RAF1: variants seen among roughly 807,000 people sequenced by gnomAD.
The protein encoded by RAF1 is RAF proto-oncogene serine/threonine-protein kinase.
Under a neutral mutation model 81.1 loss-of-function variants are expected in RAF1, and 27 were observed. That is an observed-to-expected ratio of 0.33 (90% CI 0.25 to 0.46). The LOEUF (loss-of-function observed/expected upper bound fraction) is 0.46, where lower values mean the gene tolerates loss of function less well. Among genes scored for constraint, RAF1 ranks in the 20% least tolerant of loss-of-function variants. RAF1 has a pLI of 1.00. For missense variants in RAF1, 598 were observed against 826.0 expected (o/e 0.72, Z 3.38); for synonymous variants, 298 against 294.0 (o/e 1.01, Z -0.14).
In RAF1 at chr3:12,600,395, G is replaced by C. The variant is rs763657486; in HGVS notation, c.915C>G (p.Ser305Arg). The change falls in exon 9 of 18, where the codon AGC (serine) becomes AGG (arginine). Residue 305 changes from serine to arginine, a missense_variant. Ser to Arg is a moderately radical substitution (Grantham distance 110). Coordinates refer to ENST00000442415, the MANE Select transcript of RAF1 (RefSeq NM_001354689.3). The stretch of plus-strand genomic sequence containing the variant: ...ATGACTATGGAAAAGTACCTGATTC[G>C]CTGTGACTTCGAATTGCATCCTGAA... The C allele has an allele frequency of 3.1e-6, 5 of 1,614,136 alleles. No homozygotes were observed. The highest frequency in any genetic ancestry group is 4.2e-6 in the Non-Finnish European group (5 of 1,180,010).
chr3:12,620,293 C>T (rs1009486421), intron 1 of RAF1, among the ~76,000 whole-genome samples: 23 of 152,180 alleles, frequency 1.5e-4, no homozygotes, highest in Non-Finnish European at 1.9e-4. Context: ...CACCACCACG[C>T]CCGACTGATT....
chr3:12,661,470 G>A (rs2060875850), intron 1 of RAF1, among the ~76,000 whole-genome samples: 1 of 152,060 alleles, frequency 6.6e-6, no homozygotes, highest in South Asian at 2.1e-4. Flanking sequence ...GCCGTGGGAG[G>A]CCGAGGTGGG....
At chr3:12,638,607 A>G (rs1005166963) in intron 1 of RAF1, among the ~76,000 whole-genome samples, 1 of 152,274 alleles carries the variant, frequency 6.6e-6, no homozygotes, top group African/African-American at 2.4e-5. Flanking sequence ...TATTACAAAT[A>G]AAACCAAATA....
At chr3:12,643,152 A>C (rs2060244592) in intron 1 of RAF1, among the ~76,000 whole-genome samples, 1 of 152,168 alleles carries the variant, frequency 6.6e-6, no homozygotes, top group African/African-American at 2.4e-5. Context: ...GCAACAAATC[A>C]AATGTCAGAT....
chr3:12,598,932 A>G (rs941349518), intron 11 of RAF1, among the ~76,000 whole-genome samples: 1 of 152,022 alleles, frequency 6.6e-6, no homozygotes, highest in African/African-American at 2.4e-5. Flanking sequence ...CTTTATTGTA[A>G]TCTGAATTTA....
At chr3:12,640,154 C>T (rs1028087773) in intron 1 of RAF1, among the ~76,000 whole-genome samples, 1 of 152,072 alleles carries the variant, frequency 6.6e-6, no homozygotes, top group Non-Finnish European at 1.5e-5. Context: ...GCTGGGAAAA[C>T]TGGCTAGCCA....
rs1575582396 is a variant in RAF1, at chr3:12,608,638, T to C, written c.581+128A>G. On this transcript the variant is annotated intron_variant, in intron 5 of 17. Coordinates refer to ENST00000442415, the MANE Select transcript of RAF1 (RefSeq NM_001354689.3). ...AGAATTATCACTGTTTCTAAAGTAG[T>C]TTCTGGATCACAATTCATTAAATGA... 4 of 1,108,524 alleles carry C rather than the reference T, an allele frequency of 3.6e-6. No homozygotes were observed. In the African/African-American group the frequency reaches 6.2e-5, roughly 17 times the overall value. 68.7% of individuals were successfully genotyped at this position (1,108,524 alleles called of 1,614,324 possible).
At chr3:12,642,092 G>A (rs1378227503) in intron 1 of RAF1, among the ~76,000 whole-genome samples, 5 of 151,972 alleles carry the variant, frequency 3.3e-5, no homozygotes, top group African/African-American at 1.2e-4. Flanking sequence ...TGGTTGCAGT[G>A]AGCCCAGATC....
chr3:12,598,733 A>AC (rs2058762040), intron 11 of RAF1, among the ~76,000 whole-genome samples: 1 of 92,524 alleles, frequency 1.1e-5, no homozygotes, highest in African/African-American at 4.9e-5. Flanking sequence ...CTCAAAAAAA[A>AC]AAAAAAAAAA....
In RAF1 at chr3:12,633,916, CAA is replaced by C. The variant is rs111472491; in HGVS notation, c.-26-15171_-26-15170del. 7.3e-3 allele frequency among the ~76,000 whole-genome samples: 658 copies of C among 90,636 alleles called. 7 individuals carry two copies. Among genetic ancestry groups the C allele is most frequent in the African/African-American group, 0.024 (611 of 25,062 alleles). The allele number at this position is 90,636 out of a possible 152,430, so 59.5% of individuals were successfully genotyped here. On this transcript the variant is annotated intron_variant, in intron 1 of 17. Transcript: ENST00000442415. ...TGCCATTGCACTCCAGCCAGGGCAA[CAA>C]GAGTAAAAACTCTCTCAAAAAAAAA...
At chr3:12,651,657 A>G (rs1252436651) in intron 1 of RAF1, among the ~76,000 whole-genome samples, 1 of 151,430 alleles carries the variant, frequency 6.6e-6, no homozygotes, top group East Asian at 1.9e-4. Flanking sequence ...TGGTCTCAAA[A>G]AAAAAAAAAG....
intron 1 of RAF1, among the ~76,000 whole-genome samples, chr3:12,660,589 C>G (rs1211792837): frequency 1.3e-5 from 2 of 151,960 alleles, no homozygotes; most frequent in Non-Finnish European, 2.9e-5. Context: ...GCTGGGCTTA[C>G]AGGCCTGAGC....
intron 11 of RAF1, among the ~76,000 whole-genome samples, chr3:12,593,786 C>CT (rs756831846): frequency 0.011 from 1,240 of 111,216 alleles, 13 homozygotes; most frequent in East Asian, 0.023. Flanking sequence ...GGAGTAAATC[C>CT]TTTTTTTTTT....
intron 11 of RAF1, among the ~76,000 whole-genome samples, chr3:12,594,491 GAACCC>G (rs934241818): frequency 1.2e-4 from 19 of 152,102 alleles, no homozygotes; most frequent in African/African-American, 4.6e-4. Context: ...AGTTGTCACT[GAACCC>G]ACCCTTTGGT....
chr3:12,637,058 C>A (rs546103105), intron 1 of RAF1, among the ~76,000 whole-genome samples: 1 of 151,980 alleles, frequency 6.6e-6, no homozygotes, highest in Non-Finnish European at 1.5e-5. Flanking sequence ...ATATAAAGTA[C>A]CTAATTTAGA....
Position 12,634,483 on chromosome 3 carries a change from A to C in RAF1, c.-26-15736T>G, listed in dbSNP as rs141807420. Among the ~76,000 whole-genome samples the C allele has an allele frequency of 3.3e-3, 506 of 152,132 alleles. 4 individuals carry two copies. Among genetic ancestry groups the C allele is most frequent in the African/African-American group, 0.012 (494 of 41,498 alleles). The stretch of plus-strand genomic sequence containing the variant: ...CCTTTCTCAAGGGATTTGTTACAGG[A>C]ATATAGCAAGAGAAAGACTTAGGAT... On this transcript the variant is annotated intron_variant, in intron 1 of 17. Transcript: ENST00000442415.
rs1476735590 is a variant in RAF1 at position 12,584,673 on chromosome 3, A to G, written c.1864-16T>C. The G allele has an allele frequency of 6.2e-7, 1 of 1,614,140 alleles. No individual in the cohort carries two copies. The highest frequency in any genetic ancestry group is 8.5e-7 in the Non-Finnish European group (1 of 1,179,986). ...AAGACAGGATCTGAAACAAAGCCCA[A>G]GAATGCTCTCATTAGCTGTGTCTCA... On this transcript the variant is annotated splice_polypyrimidine_tract_variant and intron_variant, in intron 17 of 17. Coordinates refer to ENST00000442415, the MANE Select transcript of RAF1 (RefSeq NM_001354689.3).
chr3:12,632,400 C>CT (rs1447849309), intron 1 of RAF1, among the ~76,000 whole-genome samples: 22 of 150,942 alleles, frequency 1.5e-4, no homozygotes, highest in Non-Finnish European at 2.8e-4. Flanking sequence ...GGATCACTGT[C>CT]TGTTTTTTTC....
In RAF1 at chr3:12,584,444, G is replaced by A. The variant is rs2125314973; in HGVS notation, c.*70C>T. ...AACATGTGTTCTGCCTCTGGAGAAA[G>A]GGAGCAGAAAAGTGGTGCCTGCTGG... is the stretch of plus-strand genomic sequence containing the variant. On this transcript the variant is annotated 3_prime_UTR_variant, in exon 18 of 18. Transcript: ENST00000442415. 3 of 1,587,908 alleles carry A rather than the reference G, an allele frequency of 1.9e-6. No individual in the cohort carries two copies. The Admixed American group carries it at 5.0e-5, about 26-fold the overall frequency.
Sources: gnomAD v4.1 joint callset for allele counts (sites outside exome capture counted in the v4.1 genomes callset) on GRCh38, gnomAD v4.1.1 for gene constraint, MANE v1.5 for transcripts, NCBI Gene and HGNC (gene_info 2026-07-23, HGNC 2026-07-21) for gene names.